The following TGFBR3 variants were observed in gnomAD, a reference collection of about 807,000 sequenced individuals.
TGFBR3 encodes transforming growth factor beta receptor type 3.
TGFBR3 carries 46 observed loss-of-function variants against 87.9 expected under a neutral mutation model. The ratio of observed to expected loss-of-function variants is 0.52; its 90% CI spans 0.41 to 0.67. The LOEUF (loss-of-function observed/expected upper bound fraction) is 0.67. Ranked by LOEUF, TGFBR3 falls within the 30% of genes least tolerant of loss-of-function variation. The pLI, the probability that TGFBR3 is intolerant of heterozygous loss-of-function variation, is 0.00. For missense variants in TGFBR3, 866 were observed against 1,041.9 expected (o/e 0.83, Z 2.32); for synonymous variants, 381 against 391.6 (o/e 0.97, Z 0.32).
chr1:91,698,003 T>A (rs1671489684), intron 15 of TGFBR3, 86 bp downstream of exon 15: 1 of 1,302,152 alleles, frequency 7.7e-7, no homozygotes, highest in African/African-American at 1.5e-5. Flanking sequence ...TTATCAAAAC[T>A]CAAAGTTTGG....
chr1:91,800,778 T>C (rs1675593617), intron 2 of TGFBR3, among the ~76,000 whole-genome samples: 1 of 151,946 alleles, frequency 6.6e-6, no homozygotes, highest in Non-Finnish European at 1.5e-5. Flanking sequence ...CAGTTCAGCA[T>C]ACAACGTAAT....
At chr1:91,874,530 ACT>A (rs1370685558) in intron 1 of TGFBR3, among the ~76,000 whole-genome samples, 1 of 152,000 alleles carries the variant, frequency 6.6e-6, no homozygotes, top group East Asian at 1.9e-4. Flanking sequence ...TTTTTTGGTC[ACT>A]CTGTCACCAG....
intron 5 of TGFBR3, among the ~76,000 whole-genome samples, 161 bp from the exon 6 acceptor site, chr1:91,730,134 ATGCATCC>A (rs1192324517): frequency 2.6e-5 from 4 of 152,156 alleles, no homozygotes; most frequent in African/African-American, 9.7e-5. Context: ...CTGCCCTGAA[ATGCATCC>A]TGTTATGGTC....
intron 1 of TGFBR3, among the ~76,000 whole-genome samples, chr1:91,871,735 G>T (rs1678588180): frequency 6.6e-6 from 1 of 152,144 alleles, no homozygotes; most frequent in South Asian, 2.1e-4. Flanking sequence ...AGCATGCTTG[G>T]TTTGTCCTAG....
chr1:91,900,458 G>A (rs112985631), intron 1 of TGFBR3, among the ~76,000 whole-genome samples: 197 of 152,238 alleles, frequency 1.3e-3, no homozygotes, highest in African/African-American at 3.5e-3. Flanking sequence ...TAGATGAACC[G>A]TTTCTAAACT....
At chr1:91,894,694 G>A (rs72952825) in intron 2 of TGFBR3, among the ~76,000 whole-genome samples, 3,022 of 152,256 alleles carry the variant, frequency 0.02, 107 homozygotes, top group African/African-American at 0.069. Flanking sequence ...AGTCACCTCC[G>A]CTGGCTTTTC....
intron 2 of TGFBR3, among the ~76,000 whole-genome samples, chr1:91,893,348 G>T (rs943982138): frequency 1.3e-5 from 2 of 151,784 alleles, no homozygotes; most frequent in Admixed American, 1.3e-4. Flanking sequence ...ACAGTGGCGT[G>T]ATCTCGGCCC....
At chr1:91,732,308 T>G (rs1198699844) in intron 5 of TGFBR3, among the ~76,000 whole-genome samples, 2 of 152,060 alleles carry the variant, frequency 1.3e-5, no homozygotes. Context: ...ATGAGAGCAG[T>G]TCCCAAACGT....
At chr1:91,688,536 TAAAAC>T (rs1219427519) in intron 16 of TGFBR3, among the ~76,000 whole-genome samples, 2 of 152,206 alleles carry the variant, frequency 1.3e-5, no homozygotes, top group Admixed American at 6.5e-5. Flanking sequence ...TGAGCGTACT[TAAAAC>T]AAGAAATGCG....
In TGFBR3 at chr1:91,718,511, C is replaced by A. The variant is rs544790102; in HGVS notation, c.1566+801G>T. On this transcript the variant is annotated intron_variant, in intron 10 of 16. Coordinates refer to ENST00000212355, the MANE Select transcript of TGFBR3 (RefSeq NM_003243.5). ...CTGTGTCAAAGGTGGACACAGGGAT[C>A]TCTGAGCCTTATTTTTACCATTAAA... Among the ~76,000 whole-genome samples the A allele has an allele frequency of 2.2e-5, 3 of 137,094 alleles. No homozygotes were observed. In the Admixed American group the frequency reaches 2.3e-4, roughly 11 times the overall value. 89.9% of individuals were successfully genotyped at this position (137,094 alleles called of 152,430 possible).
At chr1:91,723,520 A>C (rs1297927630) in intron 7 of TGFBR3, among the ~76,000 whole-genome samples, 3 of 146,606 alleles carry the variant, frequency 2.0e-5, no homozygotes, top group Admixed American at 6.9e-5. Flanking sequence ...ACTAGCTTTC[A>C]CTGGATAATC....
At chr1:91,741,109 AC>A (rs1673145392) in intron 4 of TGFBR3, among the ~76,000 whole-genome samples, 1 of 152,170 alleles carries the variant, frequency 6.6e-6, no homozygotes, top group Admixed American at 6.5e-5. Flanking sequence ...GATACCATCT[AC>A]CTGGAGATAG....
intron 2 of TGFBR3, among the ~76,000 whole-genome samples, chr1:91,824,889 G>A (rs935310204): frequency 6.7e-6 from 1 of 149,600 alleles, no homozygotes; most frequent in Non-Finnish European, 1.5e-5. Context: ...GAACATGGGA[G>A]GCGGAGGCTG....
chr1:91,872,433 G>T (rs1678616530), intron 1 of TGFBR3, among the ~76,000 whole-genome samples: 1 of 152,222 alleles, frequency 6.6e-6, no homozygotes, highest in African/African-American at 2.4e-5. Context: ...CACTTCGAAA[G>T]ATGGTAATTT....
chr1:91,703,567 C>T (rs547598429), intron 14 of TGFBR3, among the ~76,000 whole-genome samples: 24 of 152,172 alleles, frequency 1.6e-4, no homozygotes, highest in Non-Finnish European at 2.6e-4. Flanking sequence ...CACATCCATG[C>T]TCTTCTGTGT....
At chr1:91,856,172 T>C (rs973007784) in intron 2 of TGFBR3, among the ~76,000 whole-genome samples, 27 of 152,096 alleles carry the variant, frequency 1.8e-4, no homozygotes, top group African/African-American at 4.6e-4. Context: ...ACACCATTCT[T>C]CTGCCTCAGC....
chr1:91,787,040 C>A (rs928637709), intron 3 of TGFBR3, among the ~76,000 whole-genome samples: 2 of 152,124 alleles, frequency 1.3e-5, no homozygotes, highest in African/African-American at 2.4e-5. Flanking sequence ...CAGTGGCTCA[C>A]GCCTATAATC....
At chr1:91,850,176 C>T (rs1677671914) in intron 2 of TGFBR3, among the ~76,000 whole-genome samples, 1 of 151,700 alleles carries the variant, frequency 6.6e-6, no homozygotes. Context: ...TTCTGTGCCT[C>T]AGAAGCTAGC....
intron 3 of TGFBR3, among the ~76,000 whole-genome samples, chr1:91,782,388 G>A (rs1331940318): frequency 6.6e-6 from 1 of 152,156 alleles, no homozygotes; most frequent in Non-Finnish European, 1.5e-5. Flanking sequence ...GCAAGGCTAG[G>A]AGACACCTAC....
Sources: gnomAD v4.1 joint callset for allele counts (sites outside exome capture counted in the v4.1 genomes callset) on GRCh38, gnomAD v4.1.1 for gene constraint, MANE v1.5 for transcripts, NCBI Gene and HGNC (gene_info 2026-07-23, HGNC 2026-07-21) for gene names.